The following CLNK variants were observed in gnomAD, a reference collection of about 807,000 sequenced individuals.
CLNK encodes cytokine dependent hematopoietic cell linker, also known as cytokine-dependent hematopoietic cell linker.
CLNK carries 74 observed loss-of-function variants against 68.6 expected under a neutral mutation model. The ratio of observed to expected loss-of-function variants is 1.08; its 90% CI spans 0.89 to 1.31. The LOEUF (loss-of-function observed/expected upper bound fraction) is 1.31. CLNK is among the 50% of genes most tolerant of loss of function. The pLI is 0.00. For synonymous variants in CLNK, 198 were observed against 172.2 expected, an observed-to-expected ratio of 1.15 and a Z score of -1.17; for missense variants, 553 against 515.3, an observed-to-expected ratio of 1.07 and a Z score of -0.71.
chr4:10,630,873 G>A (rs575282917), intron 2 of CLNK, among the ~76,000 whole-genome samples: 5 of 152,228 alleles, frequency 3.3e-5, no homozygotes, highest in East Asian at 1.9e-4. Flanking sequence ...GATTGAGGGC[G>A]TTTCTCTCAT....
At chr4:10,647,123 C>G (rs1723543175) in intron 2 of CLNK, among the ~76,000 whole-genome samples, 1 of 152,132 alleles carries the variant, frequency 6.6e-6, no homozygotes, top group East Asian at 1.9e-4. Context: ...TTCATTAACC[C>G]CTACTAAGTG....
At chr4:10,648,604 T>C (rs1296495676) in intron 2 of CLNK, among the ~76,000 whole-genome samples, 4 of 152,152 alleles carry the variant, frequency 2.6e-5, no homozygotes, top group African/African-American at 9.7e-5. Flanking sequence ...TTGGTAGAAG[T>C]TATAGTATTT....
intron 4 of CLNK, among the ~76,000 whole-genome samples, chr4:10,575,471 C>T (rs183302575): frequency 1.2e-4 from 19 of 152,346 alleles, no homozygotes; most frequent in Admixed American, 2.6e-4. Context: ...AATTAAAGAG[C>T]GCCTCTCCAG....
chr4:10,520,639 T>C (rs1279974124), intron 15 of CLNK, among the ~76,000 whole-genome samples, 152 bp downstream of exon 15: 2 of 152,202 alleles, frequency 1.3e-5, no homozygotes, highest in Non-Finnish European at 2.9e-5. Context: ...TGGAATAAAA[T>C]TATTGTCATA....
intron 4 of CLNK, among the ~76,000 whole-genome samples, chr4:10,578,141 G>T (rs1720639809): frequency 6.6e-6 from 1 of 152,182 alleles, no homozygotes; most frequent in African/African-American, 2.4e-5. Context: ...AATTACCAGA[G>T]GATAACTTCT....
rs149623948 is a variant in CLNK, at chr4:10,550,883, G to C, written c.445+7524C>G. On this transcript the variant is annotated intron_variant, in intron 8 of 18. Coordinates refer to ENST00000226951, the MANE Select transcript of CLNK (RefSeq NM_052964.4). ...CAGCATCACTGCTCTTGCGCTTTTGGACCATTATTAGGTAAAATAAGGGTG... is the reference window on the plus strand; with the variant it reads ...CAGCATCACTGCTCTTGCGCTTTTGCACCATTATTAGGTAAAATAAGGGTG... Among the ~76,000 whole-genome samples, 678 of 152,176 alleles carry C rather than the reference G, an allele frequency of 4.5e-3. 4 individuals are homozygous for C. Among genetic ancestry groups the C allele is most frequent in the African/African-American group, 0.016 (666 of 41,510 alleles).
Position 10,675,100 on chromosome 4 carries a change from T to C in CLNK, c.-42-7189A>G, listed in dbSNP as rs1338316223. Among the ~76,000 whole-genome samples, 7 of 152,308 alleles carry C rather than the reference T, an allele frequency of 4.6e-5. No homozygotes were observed. The East Asian group carries it at 1.2e-3, about 25-fold the overall frequency. The stretch of plus-strand genomic sequence containing the variant: ...CAAACCACCATGGCACATGTTTACC[T>C]ACGTAACAAACCTGCAGGTTCTGCA... On this transcript the variant is annotated intron_variant, in intron 1 of 18. Transcript: ENST00000226951.
the CLNK span, among the ~76,000 whole-genome samples, chr4:10,699,512 A>ATATATATATATATTTTTTTTT: frequency 3.1e-5 from 1 of 32,748 alleles, no homozygotes; most frequent in African/African-American, 1.2e-4. Flanking sequence ...ATATATATAT[A>ATATATATATATATTTTTTTTT]TTTTTTTTTT....
At chr4:10,673,673 T>TG (rs1724754310) in intron 1 of CLNK, among the ~76,000 whole-genome samples, 3 of 93,544 alleles carry the variant, frequency 3.2e-5, no homozygotes, top group East Asian at 2.6e-4. Context: ...TGTCAGGGGG[T>TG]GGGGGGTCTG....
the CLNK span, chr4:10,692,006 C>T: frequency 6.6e-6 from 1 of 151,966 alleles, no homozygotes; most frequent in Non-Finnish European, 1.5e-5. Context: ...TTTCAACTTT[C>T]TCATTCTCTC....
chr4:10,573,866 C>G (rs1383928835), intron 4 of CLNK, among the ~76,000 whole-genome samples: 1 of 152,140 alleles, frequency 6.6e-6, no homozygotes, highest in Non-Finnish European at 1.5e-5. Context: ...CCTCTTCTCC[C>G]TCTCACCTCC....
intron 15 of CLNK, among the ~76,000 whole-genome samples, chr4:10,519,945 C>T (rs1240456721): frequency 6.6e-6 from 1 of 151,972 alleles, no homozygotes; most frequent in East Asian, 1.9e-4. Context: ...AGTGATCTTA[C>T]TATAAAGAGA....
At position 10,520,804 on chromosome 4, in the gene CLNK, A is replaced by T; in HGVS notation, c.759T>A (p.Ser253Arg). 6.2e-7 allele frequency: 1 copy of T among 1,607,180 alleles called. No individual in the cohort carries two copies. Among genetic ancestry groups the T allele is most frequent in the Non-Finnish European group, 8.5e-7 (1 of 1,175,532 alleles). ...AAGTGCTCTTACCTCTGTTTTGCACACTGTGGTTGCTTGTCGTGAATGAAG... is the reference window on the plus strand; with the variant it reads ...AAGTGCTCTTACCTCTGTTTTGCACTCTGTGGTTGCTTGTCGTGAATGAAG... Reference protein sequence around the residue: ...SSSSFTTSNHSVQNRDHRGGM... With the variant: ...SSSSFTTSNHRVQNRDHRGGM... Residue 253 changes from serine (S) to arginine (R), a missense_variant, in exon 15 of 19, where the codon AGT becomes AGA. Physicochemically the swap from Ser to Arg is moderately radical, Grantham distance 110 (BLOSUM62 -1). Transcript: ENST00000226951.
chr4:10,707,998 C>T, the CLNK span, among the ~76,000 whole-genome samples: 30 of 152,230 alleles, frequency 2.0e-4, no homozygotes, highest in Middle Eastern at 3.4e-3. Flanking sequence ...TTGCACTGAG[C>T]GCTGAAAGCA....
chr4:10,554,346 A>G (rs1577126012), intron 8 of CLNK, among the ~76,000 whole-genome samples: 1 of 152,218 alleles, frequency 6.6e-6, no homozygotes, highest in Non-Finnish European at 1.5e-5. Context: ...TTGCAATTCT[A>G]TGGGGAACTG....
intron 2 of CLNK, among the ~76,000 whole-genome samples, chr4:10,620,252 G>A (rs542444489): frequency 3.9e-5 from 6 of 152,228 alleles, no homozygotes; most frequent in African/African-American, 9.6e-5. Context: ...CGTAGTAGCC[G>A]TAACTAACTT....
intron 2 of CLNK, among the ~76,000 whole-genome samples, chr4:10,601,139 G>A (rs11945398): frequency 1.5e-3 from 231 of 152,274 alleles, no homozygotes; most frequent in Non-Finnish European, 2.7e-3. Context: ...CGGGACCCTA[G>A]AGTGGAGAGC....
Position 10,542,260 on chromosome 4 carries a change from T to C in CLNK, c.466A>G (p.Asn156Asp). 1 of 1,530,036 alleles carries C rather than the reference T, an allele frequency of 6.5e-7. No homozygotes were observed. Among genetic ancestry groups the C allele is most frequent in the Non-Finnish European group, 8.9e-7 (1 of 1,119,418 alleles). The allele number at this position is 1,530,036 out of a possible 1,614,324, so 94.8% of individuals were successfully genotyped here. Residue 156 changes from asparagine (N) to aspartate (D), a missense_variant, in exon 9 of 19, where the codon AAC (asparagine) becomes GAC (aspartate). Transcript: ENST00000226951. ...NIKGDASVRK[N>D]KIPLPPPRPL... The stretch of plus-strand genomic sequence containing the variant: ...ATTTTATTGATTTCTCTTACCTTGT[T>C]CTTTCTTACGGATGCATCTCCTAAA...
chr4:10,520,865 T>C, intron 14 of CLNK, 34 bp from the exon 15 acceptor site: 1 of 1,521,578 alleles, frequency 6.6e-7, no homozygotes. Context: ...CAAAGAATGT[T>C]AGTATTTCCC....
Sources: allele counts gnomAD v4.1 joint callset (sites outside exome capture counted in the v4.1 genomes callset), GRCh38; gene constraint gnomAD v4.1.1; transcripts MANE v1.5; gene names NCBI Gene and HGNC (gene_info 2026-07-23, HGNC 2026-07-21).